ME1: variants seen among roughly 807,000 people sequenced by gnomAD.
ME1 encodes the protein NADP-dependent malic enzyme.
A neutral mutation model predicts 66.4 loss-of-function variants in ME1; 74 were observed. The ratio of observed to expected loss-of-function variants is 1.11; its 90% CI spans 0.92 to 1.35. The LOEUF (loss-of-function observed/expected upper bound fraction) is 1.35, where lower values mean the gene tolerates loss of function less well. ME1 is among the 40% of genes most tolerant of loss of function. ME1 has a pLI of 0.00. For synonymous variants in ME1, 251 were observed against 235.6 expected (o/e 1.07, Z -0.60); for missense variants, 750 against 694.1 (o/e 1.08, Z -0.90).
chr6:83,325,948 C>CAAA (rs199839173), intron 5 of ME1, among the ~76,000 whole-genome samples: 13 of 120,812 alleles, frequency 1.1e-4, no homozygotes, highest in African/African-American at 2.8e-4. Flanking sequence ...ACGAAGCAAA[C>CAAA]AAAAAAAAAA....
At position 83,407,790 on chromosome 6, in the gene ME1, G is replaced by T; in HGVS notation, c.190C>A (p.His64Asn). 6.2e-7 allele frequency: 1 copy of T among 1,608,180 alleles called. No homozygotes were observed. The highest frequency in any genetic ancestry group is 8.5e-7 in the Non-Finnish European group (1 of 1,178,498). ...TACCTGTCAAAGTCAGAGTTCAGATGCTCGAAATTTTTTACTACTCTAAGA... is the reference window on the plus strand; with the variant it reads ...TACCTGTCAAAGTCAGAGTTCAGATTCTCGAAATTTTTTACTACTCTAAGA... ...QVLRVVKNFE[H>N]LNSDFDRYLL... Residue 64 changes from histidine (H) to asparagine (N), a missense_variant, in exon 2 of 14, where the codon CAT becomes AAT. By Grantham distance (68) the His-to-Asn change is moderately conservative. Coordinates refer to ENST00000369705, the MANE Select transcript of ME1 (RefSeq NM_002395.6).
chr6:83,424,096 CAA>C (rs34763202), intron 1 of ME1, among the ~76,000 whole-genome samples: 7,825 of 114,822 alleles, frequency 0.068, 378 homozygotes, highest in East Asian at 0.2. Context: ...GACCCTGTCT[CAA>C]AAAAAAAAAA....
chr6:83,247,852 C>T (rs1790653122), intron 7 of ME1, among the ~76,000 whole-genome samples: 1 of 152,140 alleles, frequency 6.6e-6, no homozygotes, highest in Admixed American at 6.5e-5. Context: ...TTTCTCAAAC[C>T]TATCTTTTTA....
intron 7 of ME1, among the ~76,000 whole-genome samples, chr6:83,250,106 C>T (rs2128527673): frequency 6.6e-6 from 1 of 152,254 alleles, no homozygotes; most frequent in East Asian, 1.9e-4. Context: ...TCTGCAATGT[C>T]TGCTGACTGA....
At chr6:83,407,994 T>C in intron 1 of ME1, 93 bp from the exon 2 acceptor site, 5 of 1,399,544 alleles carry the variant, frequency 3.6e-6, no homozygotes, top group Non-Finnish European at 4.7e-6. Flanking sequence ...TATATGCAAT[T>C]AAAAATCCGA....
intron 6 of ME1, among the ~76,000 whole-genome samples, chr6:83,292,317 C>T (rs149392925): frequency 1.3e-5 from 2 of 152,092 alleles, no homozygotes; most frequent in Admixed American, 1.3e-4. Flanking sequence ...GGATGTCCTT[C>T]TTGTTGATGT....
chr6:83,239,530 G>C lies in ME1; in HGVS notation c.912+9C>G. On this transcript the variant is annotated intron_variant, in intron 8 of 13. Transcript: ENST00000369705. ...TTAGGAGAACATAAGTATTACACAA[G>C]GCAAATACCTCTCCAGCTCCTTGGA... The C allele has an allele frequency of 1.3e-6, 2 of 1,587,186 alleles. No individual in the cohort carries two copies. The highest frequency in any genetic ancestry group is 1.7e-6 in the Non-Finnish European group (2 of 1,156,306).
intron 6 of ME1, among the ~76,000 whole-genome samples, chr6:83,308,514 C>CA (rs1341955013): frequency 6.7e-6 from 1 of 148,316 alleles, no homozygotes; most frequent in Non-Finnish European, 1.5e-5. Flanking sequence ...AGTACAACTA[C>CA]AAAAACAAAC....
chr6:83,293,906 C>T (rs955302641), intron 6 of ME1, among the ~76,000 whole-genome samples: 1 of 152,196 alleles, frequency 6.6e-6, no homozygotes, highest in African/African-American at 2.4e-5. Flanking sequence ...TTAGTTGTAG[C>T]ATCTATTTAC....
chr6:83,273,176 CAAAAAA>C (rs67482208), intron 6 of ME1, among the ~76,000 whole-genome samples: 3 of 70,180 alleles, frequency 4.3e-5, no homozygotes, highest in Admixed American at 1.5e-4. Context: ...GACTCTGCCT[CAAAAAA>C]AAAAAAAAAA....
At chr6:83,330,190 T>G (rs991446775) in intron 5 of ME1, among the ~76,000 whole-genome samples, 4 of 152,230 alleles carry the variant, frequency 2.6e-5, no homozygotes, top group Non-Finnish European at 5.9e-5. Context: ...TCTTCTATAC[T>G]GATGTAACTA....
At chr6:83,373,134 C>A (rs775988243) in intron 3 of ME1, among the ~76,000 whole-genome samples, 2 of 151,976 alleles carry the variant, frequency 1.3e-5, no homozygotes, top group South Asian at 2.1e-4. Flanking sequence ...TGTTAAATAA[C>A]CCTCATATTA....
chr6:83,414,953 T>G (rs1770130733), intron 1 of ME1, among the ~76,000 whole-genome samples: 1 of 152,200 alleles, frequency 6.6e-6, no homozygotes, highest in African/African-American at 2.4e-5. Flanking sequence ...TACCTGAAAC[T>G]AGCAATGGAC....
chr6:83,331,367 A>C (rs893094384), intron 5 of ME1, among the ~76,000 whole-genome samples: 2 of 151,974 alleles, frequency 1.3e-5, no homozygotes, highest in African/African-American at 4.8e-5. Flanking sequence ...AGGCGGGTGG[A>C]TCACGAGGTC....
At chr6:83,271,022 TAA>T (rs574960807) in intron 6 of ME1, among the ~76,000 whole-genome samples, 37 of 120,106 alleles carry the variant, frequency 3.1e-4, no homozygotes, top group East Asian at 7.0e-4. Context: ...GGTGAAGGAG[TAA>T]AAAAAAAAAA....
chr6:83,358,373 G>A (rs1768941950), intron 3 of ME1, among the ~76,000 whole-genome samples: 1 of 152,040 alleles, frequency 6.6e-6, no homozygotes, highest in Non-Finnish European at 1.5e-5. Flanking sequence ...TAAGTTCAGT[G>A]GACAAAGTTA....
At chr6:83,429,113 A>G (rs1209630383) in intron 1 of ME1, among the ~76,000 whole-genome samples, 5 of 152,000 alleles carry the variant, frequency 3.3e-5, no homozygotes, top group African/African-American at 1.2e-4. Flanking sequence ...AGTACAAAAA[A>G]TTTGCCGGGC....
intron 12 of ME1, among the ~76,000 whole-genome samples, chr6:83,217,308 T>C (rs1790012111): frequency 6.6e-6 from 1 of 152,222 alleles, no homozygotes. Context: ...AGGCCTTTGT[T>C]CCATGAAAAT....
At chr6:83,256,363 A>C (rs1225061266) in intron 6 of ME1, among the ~76,000 whole-genome samples, 1 of 152,176 alleles carries the variant, frequency 6.6e-6, no homozygotes, top group Non-Finnish European at 1.5e-5. Flanking sequence ...CAAAGGGCTA[A>C]GAGAAAATAA....
Sources: gnomAD v4.1 joint callset for allele counts (sites outside exome capture counted in the v4.1 genomes callset) on GRCh38, gnomAD v4.1.1 for gene constraint, MANE v1.5 for transcripts, NCBI Gene and HGNC (gene_info 2026-07-23, HGNC 2026-07-21) for gene names.